Variants in PPP1CB observed in about 807,000 individuals in gnomAD.
PPP1CB encodes the protein serine/threonine-protein phosphatase PP1-beta catalytic subunit.
In PPP1CB, 2 loss-of-function variants were observed where a neutral mutation model predicts 43.7. The observed-to-expected ratio is 0.05, with a 90% CI of 0.02 to 0.14. PPP1CB has a LOEUF of 0.14. PPP1CB is among the 10% of genes least tolerant of loss of function. The probability of loss-of-function intolerance (pLI) is 1.00; values close to 1 mark genes in which losing one functional copy is unlikely to be tolerated. For missense variants in PPP1CB, 84 were observed against 398.0 expected, an observed-to-expected ratio of 0.21 and a Z score of 6.71; for synonymous variants, 136 against 135.6, an observed-to-expected ratio of 1.00 and a Z score of -0.02.
At chr2:28,754,212 A>T (rs948770303) in intron 1 of PPP1CB, among the ~76,000 whole-genome samples, 1 of 152,110 alleles carries the variant, frequency 6.6e-6, no homozygotes, top group Non-Finnish European at 1.5e-5. Flanking sequence ...GATTACAGGT[A>T]CTTAAACTTC....
chr2:28,781,986 C>A, intron 4 of PPP1CB, 144 bp downstream of exon 4: 1 of 672,822 alleles, frequency 1.5e-6, no homozygotes, highest in Admixed American at 2.8e-5. Context: ...ATGGCTAAAC[C>A]TCTTTTAAAA....
chr2:28,785,762 T>C (rs1211205519), intron 5 of PPP1CB, among the ~76,000 whole-genome samples: 3 of 152,096 alleles, frequency 2.0e-5, no homozygotes, highest in African/African-American at 7.2e-5. Context: ...TGACCTGTGA[T>C]TGTGCTCCTG....
At chr2:28,768,549 T>C (rs1167081103) in intron 1 of PPP1CB, among the ~76,000 whole-genome samples, 2 of 152,164 alleles carry the variant, frequency 1.3e-5, no homozygotes, top group African/African-American at 4.8e-5. Flanking sequence ...CCTGCCAAGT[T>C]AGAGGGGCCT....
Position 28,800,234 on chromosome 2 carries a change from T to C in PPP1CB, c.*931T>C, listed in dbSNP as rs34686032. On this transcript the variant is annotated 3_prime_UTR_variant, in exon 8 of 8. Transcript: ENST00000395366. ...CTTTTTCTTTTTTCTTTCTTTTTTTTTTTTTTTTTTTTTTTGAGTTGTTGT... is the reference window on the plus strand; with the variant it reads ...CTTTTTCTTTTTTCTTTCTTTTTTTCTTTTTTTTTTTTTTTGAGTTGTTGT... 4,361 of 143,562 alleles carry C rather than the reference T, an allele frequency of 0.03. 106 individuals carry two copies. The highest frequency in any genetic ancestry group is 0.048 in the Non-Finnish European group (3,153 of 65,492). 8.9% of individuals were successfully genotyped at this position (143,562 alleles called of 1,614,324 possible). A position where few individuals can be genotyped will look rare whatever the true frequency, so the allele number is the denominator to read the frequency against.
chr2:28,783,790 T>C (rs748298397), intron 4 of PPP1CB, 117 bp from the exon 5 acceptor site: 10 of 701,952 alleles, frequency 1.4e-5, no homozygotes, highest in East Asian at 2.7e-5. Context: ...GGAACACTTT[T>C]CAGTATCTTT....
intron 6 of PPP1CB, 34 bp downstream of exon 6, chr2:28,788,843 T>G (rs1300018710): frequency 6.5e-7 from 1 of 1,549,528 alleles, no homozygotes; most frequent in East Asian, 2.3e-5. Context: ...CTTTTTCTTT[T>G]TTCTTTCTTT....
chr2:28,765,955 A>G (rs1666769274), intron 1 of PPP1CB, among the ~76,000 whole-genome samples: 1 of 152,178 alleles, frequency 6.6e-6, no homozygotes. Flanking sequence ...TTCAGACAGT[A>G]TTAGTTGTCA....
intron 6 of PPP1CB, among the ~76,000 whole-genome samples, chr2:28,792,662 C>T (rs1667413040): frequency 6.6e-6 from 1 of 152,166 alleles, no homozygotes; most frequent in African/African-American, 2.4e-5. Context: ...GTAATTTCAG[C>T]AGAAGCATGT....
chr2:28,789,160 TAACAA>T (rs1381505944), intron 6 of PPP1CB, among the ~76,000 whole-genome samples: 4 of 152,154 alleles, frequency 2.6e-5, no homozygotes, highest in Non-Finnish European at 5.9e-5. Context: ...ATCTCACACT[TAACAA>T]TCTAGTGATT....
chr2:28,758,223 C>T (rs1558296104), intron 1 of PPP1CB, among the ~76,000 whole-genome samples: 1 of 151,786 alleles, frequency 6.6e-6, no homozygotes, highest in Non-Finnish European at 1.5e-5. Flanking sequence ...TTGGTAGACA[C>T]AGAATCTTAC....
chr2:28,766,729 C>T (rs1666784210), intron 1 of PPP1CB, among the ~76,000 whole-genome samples: 1 of 152,174 alleles, frequency 6.6e-6, no homozygotes, highest in Admixed American at 6.5e-5. Flanking sequence ...ACTAATTTTG[C>T]TCCCAGTGTT....
Position 28,768,394 on chromosome 2 carries a change from C to T in PPP1CB, c.53-8457C>T, listed in dbSNP as rs150949716. 2.6e-3 allele frequency among the ~76,000 whole-genome samples: 390 copies of T among 152,292 alleles called. 4 individuals are homozygous for T. Among genetic ancestry groups the T allele is most frequent in the African/African-American group, 9.0e-3 (375 of 41,566 alleles). On this transcript the variant is annotated intron_variant, in intron 1 of 7. Transcript: ENST00000395366. ...AAAATCTAACCTCAAAATCTGCAGT[C>T]AGGTCCCTCTAAAGTCATTGACTGA...
At chr2:28,758,143 T>C (rs1666534654) in intron 1 of PPP1CB, among the ~76,000 whole-genome samples, 1 of 151,298 alleles carries the variant, frequency 6.6e-6, no homozygotes, top group African/African-American at 2.4e-5. Flanking sequence ...CCTTCTGGGC[T>C]CAAGTGATCC....
chr2:28,780,859 T>C (rs914658193), intron 3 of PPP1CB, among the ~76,000 whole-genome samples: 1 of 152,236 alleles, frequency 6.6e-6, no homozygotes, highest in Admixed American at 6.5e-5. Context: ...AGGAAAATTA[T>C]AGCCTTTGTG....
chr2:28,791,554 T>C (rs1667385486), intron 6 of PPP1CB, among the ~76,000 whole-genome samples: 2 of 152,162 alleles, frequency 1.3e-5, no homozygotes, highest in African/African-American at 4.8e-5. Flanking sequence ...GGTCTCGAAC[T>C]CCTGACCTCG....
intron 4 of PPP1CB, among the ~76,000 whole-genome samples, chr2:28,783,558 C>T (rs1024725013): frequency 1.3e-5 from 2 of 152,050 alleles, no homozygotes; most frequent in Non-Finnish European, 2.9e-5. Context: ...GAGATCGAGA[C>T]CAGCCTGGCC....
At chr2:28,770,385 G>GT (rs1666878422) in intron 1 of PPP1CB, among the ~76,000 whole-genome samples, 1 of 144,284 alleles carries the variant, frequency 6.9e-6, no homozygotes, top group Non-Finnish European at 1.5e-5. Context: ...AAAAAAAGGG[G>GT]GGGGGGAGGG....
chr2:28,779,190 T>C, intron 3 of PPP1CB, 151 bp downstream of exon 3: 2 of 589,754 alleles, frequency 3.4e-6, no homozygotes, highest in Non-Finnish European at 5.9e-6. Flanking sequence ...GGGAAACATG[T>C]TACTAATTAA....
intron 1 of PPP1CB, among the ~76,000 whole-genome samples, chr2:28,769,127 G>A (rs375182670): frequency 6.6e-6 from 1 of 152,154 alleles, no homozygotes; most frequent in Admixed American, 6.6e-5. Flanking sequence ...TATCTTCAGG[G>A]AACAATAATA....
Sources: gnomAD v4.1 joint callset for allele counts (sites outside exome capture counted in the v4.1 genomes callset) on GRCh38, gnomAD v4.1.1 for gene constraint, MANE v1.5 for transcripts, NCBI Gene and HGNC (gene_info 2026-07-23, HGNC 2026-07-21) for gene names.